SRD5A3: variants seen among roughly 807,000 people sequenced by gnomAD.
The protein encoded by SRD5A3 is steroid 5 alpha-reductase 3, also known as polyprenal reductase.
SRD5A3 carries 24 observed loss-of-function variants against 34.3 expected under a neutral mutation model. The observed-to-expected ratio is 0.70, with a 90% confidence interval of 0.51 to 0.99. The LOEUF (loss-of-function observed/expected upper bound fraction) is 0.99, where lower values mean the gene tolerates loss of function less well. Ranked by LOEUF, SRD5A3 falls within the 50% of genes least tolerant of loss-of-function variation. SRD5A3 has a pLI of 0.00. For missense variants in SRD5A3, 350 were observed against 388.2 expected, an observed-to-expected ratio of 0.90 and a Z score of 0.83; for synonymous variants, 161 against 167.3, an observed-to-expected ratio of 0.96 and a Z score of 0.29.
chr4:55,359,264 G>A, intron 1 of SRD5A3, 82 bp from the exon 2 acceptor site: 2 of 1,584,018 alleles, frequency 1.3e-6, no homozygotes, highest in Non-Finnish European at 1.7e-6. Context: ...GGGAAAGACA[G>A]AGAAACTAAA....
chr4:55,355,349 T>G (rs1719412909), intron 1 of SRD5A3, among the ~76,000 whole-genome samples: 1 of 151,302 alleles, frequency 6.6e-6, no homozygotes, highest in Non-Finnish European at 1.5e-5. Flanking sequence ...TTCCAGCTAC[T>G]CGGGGGGCTG....
At position 55,346,332 on chromosome 4, in the gene SRD5A3, G is replaced by T. The variant is rs925486509; in HGVS notation, c.-5G>T. ...CCAGCAGCGCGGAAGGCGGGCACGC[G>T]GGCCATGGCTCCCTGGGCGGAGGCC... On this transcript the variant is annotated 5_prime_UTR_variant, in exon 1 of 5. Coordinates refer to ENST00000264228, the MANE Select transcript of SRD5A3 (RefSeq NM_024592.5). 8 of 1,443,076 alleles carry T rather than the reference G, an allele frequency of 5.5e-6. No individual in the cohort carries two copies. The South Asian group carries it at 1.0e-4, about 18-fold the overall frequency. The allele number at this position is 1,443,076 out of a possible 1,614,324, so 89.4% of individuals were successfully genotyped here.
intron 1 of SRD5A3, among the ~76,000 whole-genome samples, chr4:55,349,540 T>G (rs1018627487): frequency 6.6e-6 from 1 of 152,168 alleles, no homozygotes; most frequent in Non-Finnish European, 1.5e-5. Flanking sequence ...GTAGATTTTT[T>G]TTTTTTTTAA....
At chr4:55,359,651 G>A (rs770988989) in intron 2 of SRD5A3, among the ~76,000 whole-genome samples, 163 bp downstream of exon 2, 41 of 152,134 alleles carry the variant, frequency 2.7e-4, no homozygotes, top group Non-Finnish European at 4.3e-4. Flanking sequence ...GTTCATTGCC[G>A]GATGGCCAAA....
chr4:55,369,747 A>T, intron 4 of SRD5A3, 85 bp from the exon 5 acceptor site: 1 of 1,525,114 alleles, frequency 6.6e-7, no homozygotes, highest in Admixed American at 1.9e-5. Flanking sequence ...AAAAAAAAAA[A>T]TTCTGTAAAT....
chr4:55,351,391 G>C (rs573162623), intron 1 of SRD5A3, among the ~76,000 whole-genome samples: 1 of 152,018 alleles, frequency 6.6e-6, no homozygotes, highest in African/African-American at 2.4e-5. Flanking sequence ...ATTTTTATGA[G>C]ACAAAATATC....
rs758849298 is a variant in SRD5A3, at chr4:55,369,924, G to A, written c.790G>A (p.Val264Ile). 41 of 1,614,002 alleles carry A rather than the reference G, an allele frequency of 2.5e-5. No homozygotes were observed. The highest frequency in any genetic ancestry group is 8.8e-5 in the South Asian group (8 of 91,082). ...PNYLAELMIYVSMAVTFGFHN... is the reference protein window; with the variant it reads ...PNYLAELMIYISMAVTFGFHN... ...CTACTTAGCAGAGCTGATGATCTAC[G>A]TTTCCATGGCCGTCACCTTTGGGTT... Residue 264 changes from valine to isoleucine, a missense_variant, in exon 5 of 5, where the codon GTT becomes ATT. This residue lies in a region of SRD5A3 where 186 missense variants were observed against 221.4 expected (regional missense o/e 0.84). Coordinates refer to ENST00000264228, the MANE Select transcript of SRD5A3 (RefSeq NM_024592.5).
At chr4:55,367,496 G>T in intron 3 of SRD5A3, 92 bp from the exon 4 acceptor site, 1 of 1,449,914 alleles carries the variant, frequency 6.9e-7, no homozygotes, top group African/African-American at 1.4e-5. Context: ...CGGAATAAGT[G>T]GATAATTGTG....
chr4:55,369,368 A>G (rs1368988409), intron 4 of SRD5A3, among the ~76,000 whole-genome samples: 3 of 152,154 alleles, frequency 2.0e-5, no homozygotes, highest in Non-Finnish European at 4.4e-5. Flanking sequence ...TAACTTTTCA[A>G]TATGTAATTG....
At chr4:55,346,748 G>C (rs548117128) in intron 1 of SRD5A3, among the ~76,000 whole-genome samples, 191 bp downstream of exon 1, 18 of 152,292 alleles carry the variant, frequency 1.2e-4, no homozygotes, top group African/African-American at 4.1e-4. Flanking sequence ...TGGCTCCGGG[G>C]AGCAGTGCCC....
intron 1 of SRD5A3, among the ~76,000 whole-genome samples, chr4:55,358,822 C>A (rs886909529): frequency 2.0e-5 from 3 of 152,216 alleles, no homozygotes; most frequent in Middle Eastern, 3.4e-3. Flanking sequence ...TAATTTAGGT[C>A]AACCCAATTT....
chr4:55,352,286 G>A (rs1719224147), intron 1 of SRD5A3: 4 of 808,516 alleles, frequency 4.9e-6, no homozygotes, highest in Admixed American at 3.4e-5. Flanking sequence ...CCTTTAACAC[G>A]CTGGGATCCT....
At chr4:55,359,012 G>C in intron 1 of SRD5A3, 1 of 362,094 alleles carries the variant, frequency 2.8e-6, no homozygotes, top group Non-Finnish European at 5.3e-6. Context: ...CTTTGCAAGG[G>C]CCTGCAGCCT....
intron 4 of SRD5A3, among the ~76,000 whole-genome samples, chr4:55,368,436 A>ATTT (rs1719990365): frequency 6.8e-6 from 1 of 146,926 alleles, no homozygotes; most frequent in African/African-American, 2.6e-5. Context: ...TTATTTATTT[A>ATTT]ATTTTTGAGA....
chr4:55,370,085 G>C lies in SRD5A3; in HGVS notation c.951G>C (p.Leu317Phe), dbSNP rs1720065285. The stretch of plus-strand genomic sequence containing the variant: ...ATAGGAAAGCTTTCCTACCATTTTT[G>C]TTTTAAGTTAACCTCAGTCATGAAG... ...PKHRKAFLPF[L>F]F Residue 317 changes from leucine (L) to phenylalanine (F), a missense_variant, in exon 5 of 5, where the codon TTG becomes TTC. Leu to Phe is a conservative substitution (Grantham distance 22, BLOSUM62 0). Coordinates refer to ENST00000264228, the MANE Select transcript of SRD5A3 (RefSeq NM_024592.5). 3.1e-6 allele frequency: 5 copies of C among 1,610,872 alleles called. No individual in the cohort carries two copies. The East Asian group carries it at 1.1e-4, about 36-fold the overall frequency.
intron 2 of SRD5A3, among the ~76,000 whole-genome samples, chr4:55,359,690 G>A (rs139640097): frequency 3.9e-5 from 6 of 152,194 alleles, no homozygotes; most frequent in Admixed American, 3.9e-4. Context: ...TCCCTGAGAA[G>A]GAGACAGAGC....
intron 1 of SRD5A3, among the ~76,000 whole-genome samples, chr4:55,354,572 C>A (rs998806666): frequency 3.3e-5 from 5 of 152,130 alleles, no homozygotes; most frequent in African/African-American, 1.2e-4. Context: ...TCTGCTAGTT[C>A]TCTCTCTTAC....
At chr4:55,347,458 G>A (rs1028805401) in intron 1 of SRD5A3, among the ~76,000 whole-genome samples, 1 of 152,038 alleles carries the variant, frequency 6.6e-6, no homozygotes, top group Non-Finnish European at 1.5e-5. Flanking sequence ...GTGAGACTCC[G>A]TCTCTCCTGA....
intron 1 of SRD5A3, among the ~76,000 whole-genome samples, chr4:55,353,640 A>C (rs1284558756): frequency 6.6e-6 from 1 of 152,164 alleles, no homozygotes; most frequent in African/African-American, 2.4e-5. Context: ...TGTAACACTC[A>C]CTGCGAAGGT....
Sources: allele counts gnomAD v4.1 joint callset (sites outside exome capture counted in the v4.1 genomes callset), GRCh38; gene constraint gnomAD v4.1.1; regional missense constraint gnomAD v4.1.1; transcripts MANE v1.5; gene names NCBI Gene and HGNC (gene_info 2026-07-23, HGNC 2026-07-21).